The following BTBD16 variants were observed in gnomAD, a reference collection of about 807,000 sequenced individuals.
BTBD16 encodes the protein BTB/POZ domain-containing protein 16.
Under a neutral mutation model 67.4 loss-of-function variants are expected in BTBD16, and 66 were observed. That is an observed-to-expected ratio of 0.98 (90% CI 0.80 to 1.20). The LOEUF (loss-of-function observed/expected upper bound fraction) is 1.20, where lower values mean the gene tolerates loss of function less well. Ranked by LOEUF, BTBD16 falls within the 50% of genes most tolerant of loss-of-function variation. BTBD16 has a pLI of 0.00. For synonymous variants in BTBD16, 242 were observed against 236.4 expected, an observed-to-expected ratio of 1.02 and a Z score of -0.22; for missense variants, 634 against 616.0, an observed-to-expected ratio of 1.03 and a Z score of -0.31.
At position 122,291,207 on chromosome 10, in the gene BTBD16, G is replaced by A. The variant is rs1590059508; in HGVS notation, c.590+13G>A. 5 of 1,605,736 alleles carry A rather than the reference G, an allele frequency of 3.1e-6. No individual in the cohort carries two copies. The East Asian group carries it at 9.0e-5, about 29-fold the overall frequency. ...GCCTGTTTCAAAGGTAAGGAAACAA[G>A]GCTGACTTTGGGCAGGGCCGGGCCT... On this transcript the variant is annotated intron_variant, in intron 7 of 15. Transcript: ENST00000260723.
At chr10:122,299,734 A>G (rs1024702163) in intron 9 of BTBD16, among the ~76,000 whole-genome samples, 2 of 151,814 alleles carry the variant, frequency 1.3e-5, no homozygotes, top group Admixed American at 6.6e-5. Flanking sequence ...CTTCCAAATC[A>G]AGTCCAGCGC....
chr10:122,316,916 T>A (rs2096425903), intron 10 of BTBD16, among the ~76,000 whole-genome samples: 3 of 152,100 alleles, frequency 2.0e-5, no homozygotes. Flanking sequence ...GCCTCCTGAG[T>A]AGCTGGGATT....
chr10:122,309,092 C>G (rs1386326456), intron 10 of BTBD16, among the ~76,000 whole-genome samples: 2 of 152,164 alleles, frequency 1.3e-5, no homozygotes, highest in African/African-American at 2.4e-5. Context: ...CCCAACTTGC[C>G]TGGCACCTTG....
intron 2 of BTBD16, among the ~76,000 whole-genome samples, chr10:122,275,309 A>G (rs917490484): frequency 2.0e-5 from 3 of 152,136 alleles, no homozygotes; most frequent in African/African-American, 7.2e-5. Flanking sequence ...TTTTACTTTG[A>G]CGTTTTACGT....
At chr10:122,287,916 A>G (rs1336741649) in intron 5 of BTBD16, among the ~76,000 whole-genome samples, 1 of 152,214 alleles carries the variant, frequency 6.6e-6, no homozygotes, top group Non-Finnish European at 1.5e-5. Flanking sequence ...TTTGGGGAAG[A>G]GTATGAACAA....
chr10:122,290,586 C>G (rs1339607640), intron 6 of BTBD16, among the ~76,000 whole-genome samples: 1 of 152,188 alleles, frequency 6.6e-6, no homozygotes, highest in Non-Finnish European at 1.5e-5. Context: ...TCAGCTAAGT[C>G]CATCTGGCCC....
At chr10:122,285,498 T>G (rs1245805203) in intron 4 of BTBD16, among the ~76,000 whole-genome samples, 6 of 152,144 alleles carry the variant, frequency 3.9e-5, no homozygotes, top group African/African-American at 2.4e-5. Flanking sequence ...TGCTTTGTAT[T>G]CATAGCCCAG....
At chr10:122,301,492 T>C (rs971992148) in intron 9 of BTBD16, among the ~76,000 whole-genome samples, 4 of 152,002 alleles carry the variant, frequency 2.6e-5, no homozygotes, top group African/African-American at 9.7e-5. Flanking sequence ...CCTGTGTGGC[T>C]TCAGGCATGT....
At chr10:122,315,845 A>G (rs999891460) in intron 10 of BTBD16, among the ~76,000 whole-genome samples, 5 of 152,238 alleles carry the variant, frequency 3.3e-5, no homozygotes, top group African/African-American at 1.2e-4. Flanking sequence ...TTGGAACTCA[A>G]TAAACTACAC....
At chr10:122,292,148 G>T (rs2096375353) in intron 7 of BTBD16, among the ~76,000 whole-genome samples, 1 of 152,200 alleles carries the variant, frequency 6.6e-6, no homozygotes. Context: ...CAGGGTCTGT[G>T]CTCAGTTCTA....
At chr10:122,323,167 G>A (rs1937814012) in intron 10 of BTBD16, among the ~76,000 whole-genome samples, 1 of 152,208 alleles carries the variant, frequency 6.6e-6, no homozygotes, top group Non-Finnish European at 1.5e-5. Flanking sequence ...AGTGTAAGAA[G>A]GAATATAGTG....
intron 10 of BTBD16, among the ~76,000 whole-genome samples, chr10:122,322,644 T>G (rs971112586): frequency 6.6e-6 from 1 of 152,216 alleles, no homozygotes; most frequent in Non-Finnish European, 1.5e-5. Context: ...CACGGTGATT[T>G]ATACAGAAAT....
intron 13 of BTBD16, among the ~76,000 whole-genome samples, chr10:122,334,608 G>A (rs1043450444): frequency 7.3e-6 from 1 of 136,260 alleles, no homozygotes; most frequent in African/African-American, 2.8e-5. Context: ...CCCGATTCAA[G>A]TGATTCTCCT....
intron 9 of BTBD16, 31 bp from the exon 10 acceptor site, chr10:122,307,158 A>T: frequency 6.4e-7 from 1 of 1,569,330 alleles, no homozygotes; most frequent in Non-Finnish European, 8.6e-7. Flanking sequence ...CTATTTCTGA[A>T]ATTTCTTCTC....
At chr10:122,334,653 C>T (rs10887134) in intron 13 of BTBD16, among the ~76,000 whole-genome samples, 52,943 of 146,320 alleles carry the variant, frequency 0.36, 10,115 homozygotes, top group East Asian at 0.69. Context: ...ACTACAGGCA[C>T]GCACCACCAC....
intron 14 of BTBD16, among the ~76,000 whole-genome samples, chr10:122,336,158 G>A (rs747780232): frequency 7.9e-5 from 12 of 152,216 alleles, no homozygotes; most frequent in Non-Finnish European, 1.6e-4. Context: ...TCTTCTGGGT[G>A]GAAGAGATGA....
chr10:122,332,665 T>A, intron 13 of BTBD16, 152 bp downstream of exon 13: 2 of 1,028,160 alleles, frequency 1.9e-6, no homozygotes, highest in Non-Finnish European at 2.7e-6. Flanking sequence ...TGCATGGTCA[T>A]CAGCTCCCAG....
chr10:122,294,552 G>GCA (rs75537599), intron 7 of BTBD16, among the ~76,000 whole-genome samples: 48,394 of 152,086 alleles, frequency 0.32, 7,845 homozygotes, highest in East Asian at 0.41. Flanking sequence ...GCATGTGTAT[G>GCA]CACACACACG....
At chr10:122,308,959 G>A (rs2096408571) in intron 10 of BTBD16, among the ~76,000 whole-genome samples, 2 of 152,082 alleles carry the variant, frequency 1.3e-5, no homozygotes, top group African/African-American at 4.8e-5. Context: ...TCCGTGATGG[G>A]GGCCACCCAC....
Sources: gnomAD v4.1 joint callset for allele counts (sites outside exome capture counted in the v4.1 genomes callset) on GRCh38, gnomAD v4.1.1 for gene constraint, MANE v1.5 for transcripts, NCBI Gene and HGNC (gene_info 2026-07-23, HGNC 2026-07-21) for gene names.